The following EPHB1 variants were observed in gnomAD, a reference collection of about 807,000 sequenced individuals.
The protein encoded by EPHB1 is ephrin type-B receptor 1.
A neutral mutation model predicts 94.4 loss-of-function variants in EPHB1; 30 were observed. The ratio of observed to expected loss-of-function variants is 0.32; its 90% CI spans 0.24 to 0.43. The LOEUF (loss-of-function observed/expected upper bound fraction) is 0.43. Among genes scored for constraint, EPHB1 ranks in the 20% least tolerant of loss-of-function variants. The probability of loss-of-function intolerance (pLI) is 1.00; values close to 1 mark genes in which losing one functional copy is unlikely to be tolerated. For synonymous variants in EPHB1, 522 were observed against 489.1 expected (o/e 1.07, Z -0.89); for missense variants, 1,055 against 1,308.3 (o/e 0.81, Z 2.99).
chr3:135,134,375 A>AGGCAT (rs1167227719), intron 5 of EPHB1, among the ~76,000 whole-genome samples: 4 of 152,148 alleles, frequency 2.6e-5, no homozygotes, highest in African/African-American at 7.2e-5. Context: ...CAGGCATCTT[A>AGGCAT]GGCATCTTTG....
chr3:134,940,764 A>T (rs1219870550), intron 2 of EPHB1, among the ~76,000 whole-genome samples: 2 of 151,998 alleles, frequency 1.3e-5, no homozygotes, highest in Non-Finnish European at 2.9e-5. Flanking sequence ...TATATTATTC[A>T]TTTGTTTGTT....
intron 1 of EPHB1, among the ~76,000 whole-genome samples, chr3:134,861,193 A>G (rs1250440769): frequency 6.6e-6 from 1 of 152,200 alleles, no homozygotes; most frequent in Non-Finnish European, 1.5e-5. Context: ...ACAGAGTGAC[A>G]TTAGTGTTGG....
At chr3:135,237,141 G>A (rs1269149927) in intron 12 of EPHB1, among the ~76,000 whole-genome samples, 1 of 151,990 alleles carries the variant, frequency 6.6e-6, no homozygotes, top group Non-Finnish European at 1.5e-5. Flanking sequence ...GGACTAAAGT[G>A]CCTCTACACC....
chr3:135,255,603 C>G (rs1219071488), intron 15 of EPHB1, among the ~76,000 whole-genome samples: 10 of 148,786 alleles, frequency 6.7e-5, no homozygotes, highest in Non-Finnish European at 1.5e-4. Flanking sequence ...AATTTCTGTT[C>G]TTTTACATTT....
chr3:134,804,883 ACCCTTGGAG>A (rs1365094833), intron 1 of EPHB1, among the ~76,000 whole-genome samples: 1 of 152,042 alleles, frequency 6.6e-6, no homozygotes, highest in Admixed American at 6.6e-5. Flanking sequence ...GTGGCCAGTC[ACCCTTGGAG>A]CCGTGGCAGT....
chr3:134,970,576 A>G (rs1933930902), intron 3 of EPHB1, among the ~76,000 whole-genome samples: 1 of 152,142 alleles, frequency 6.6e-6, no homozygotes, highest in South Asian at 2.1e-4. Flanking sequence ...ATATGAGGAC[A>G]GCGGTATTTG....
chr3:134,879,485 AAAAAT>A (rs924043356), intron 1 of EPHB1, among the ~76,000 whole-genome samples: 20 of 152,074 alleles, frequency 1.3e-4, no homozygotes, highest in Non-Finnish European at 2.8e-4. Flanking sequence ...AAAAATACAA[AAAAAT>A]AAAATAAAAT....
chr3:134,912,582 T>G (rs1182512783), intron 1 of EPHB1, among the ~76,000 whole-genome samples: 1 of 152,192 alleles, frequency 6.6e-6, no homozygotes, highest in Non-Finnish European at 1.5e-5. Flanking sequence ...ATGCTCTGTG[T>G]CAGGAAGGAA....
chr3:134,917,122 G>A (rs2038590242), intron 1 of EPHB1, among the ~76,000 whole-genome samples: 1 of 152,190 alleles, frequency 6.6e-6, no homozygotes, highest in Admixed American at 6.5e-5. Context: ...CAGACCTGAG[G>A]ATTCCAGAGA....
At chr3:134,900,826 T>G (rs984098009) in intron 1 of EPHB1, among the ~76,000 whole-genome samples, 8 of 152,080 alleles carry the variant, frequency 5.3e-5, no homozygotes, top group African/African-American at 1.9e-4. Context: ...GAGAGGCACA[T>G]GGGTGTGTGT....
intron 3 of EPHB1, among the ~76,000 whole-genome samples, chr3:135,050,940 G>T (rs1430712483): frequency 6.6e-6 from 1 of 151,680 alleles, no homozygotes; most frequent in Non-Finnish European, 1.5e-5. Flanking sequence ...GTGTGTGTGT[G>T]TGTGTGTTTA....
rs571368136 is a variant in EPHB1, at chr3:134,939,338, C to G, written c.124-12033C>G. Among the ~76,000 whole-genome samples, 6 of 94,398 alleles carry G rather than the reference C, an allele frequency of 6.4e-5. No individual in the cohort carries two copies. In the East Asian group the frequency reaches 1.3e-3, roughly 20 times the overall value. 61.9% of individuals were successfully genotyped at this position (94,398 alleles called of 152,430 possible). ...CTCCAACCCTGAGTCGGTCACCTTT[C>G]TCAAATGGAATACCACATCAGGCCA... On this transcript the variant is annotated intron_variant, in intron 2 of 15. Coordinates refer to ENST00000398015, the MANE Select transcript of EPHB1 (RefSeq NM_004441.5).
At chr3:135,004,356 G>C (rs1935306556) in intron 3 of EPHB1, among the ~76,000 whole-genome samples, 1 of 151,670 alleles carries the variant, frequency 6.6e-6, no homozygotes, top group African/African-American at 2.4e-5. Context: ...TTCCCTTTGA[G>C]GGTAACCCGA....
At chr3:135,022,351 A>G (rs1936016766) in intron 3 of EPHB1, among the ~76,000 whole-genome samples, 1 of 152,150 alleles carries the variant, frequency 6.6e-6, no homozygotes, top group South Asian at 2.1e-4. Flanking sequence ...TTTTAGTTAC[A>G]TTGCCACATT....
chr3:135,248,482 T>G lies in EPHB1; in HGVS notation c.2663T>G (p.Leu888Arg). The G allele has an allele frequency of 1.9e-6, 3 of 1,609,480 alleles. No individual in the cohort carries two copies. The highest frequency in any genetic ancestry group is 2.5e-6 in the Non-Finnish European group (3 of 1,176,806). The change falls in exon 14 of 16, where the codon CTC (leucine) becomes CGC (arginine). Residue 888 changes from leucine to arginine, a missense_variant. Leu to Arg is a moderately radical substitution (Grantham distance 102). Coordinates refer to ENST00000398015, the MANE Select transcript of EPHB1 (RefSeq NM_004441.5). ...LDKMIRNPAS[L>R]KTVATITAVP... ...AAGATGATCCGGAACCCGGCAAGTC[T>G]CAAGACTGTGGCAACCATCACCGCC...
At chr3:134,974,601 G>A (rs1934110218) in intron 3 of EPHB1, among the ~76,000 whole-genome samples, 1 of 143,882 alleles carries the variant, frequency 7.0e-6, no homozygotes, top group Non-Finnish European at 1.5e-5. Flanking sequence ...AGTTTAAATT[G>A]TGAATCTCAT....
intron 3 of EPHB1, among the ~76,000 whole-genome samples, chr3:134,998,715 C>T (rs891231151): frequency 2.0e-5 from 3 of 152,210 alleles, no homozygotes; most frequent in African/African-American, 7.2e-5. Flanking sequence ...ATTCATTTAT[C>T]TGTCTTTTCC....
chr3:135,101,505 C>G lies in EPHB1; in HGVS notation c.806-4943C>G, dbSNP rs558298054. Among the ~76,000 whole-genome samples the G allele has an allele frequency of 6.1e-4, 93 of 152,200 alleles. 4 individuals carry two copies. The South Asian group carries it at 0.018, about 30-fold the overall frequency. ...TCTCCTGCCTCAGCATCCTGAGTAG[C>G]TGGGATTACAGGCACATGCCATGAC... On this transcript the variant is annotated intron_variant, in intron 3 of 15. Coordinates refer to ENST00000398015, the MANE Select transcript of EPHB1 (RefSeq NM_004441.5).
intron 3 of EPHB1, among the ~76,000 whole-genome samples, chr3:135,043,262 ATAATAATAATAATAG>A (rs1223074403): frequency 8.1e-5 from 12 of 148,006 alleles, no homozygotes; most frequent in Admixed American, 7.3e-4. Flanking sequence ...CAAATAATAA[ATAATAATAATAATAG>A]TAATAATAAT....
Sources: allele counts gnomAD v4.1 joint callset (sites outside exome capture counted in the v4.1 genomes callset), GRCh38; gene constraint gnomAD v4.1.1; transcripts MANE v1.5; gene names NCBI Gene and HGNC (gene_info 2026-07-23, HGNC 2026-07-21).